Variants in BAHCC1 observed in about 807,000 individuals in gnomAD.
The protein encoded by BAHCC1 is BAH and coiled-coil domain-containing protein 1.
Under a neutral mutation model 88.2 loss-of-function variants are expected in BAHCC1, and 43 were observed. The observed-to-expected ratio is 0.49, with a 90% CI of 0.38 to 0.63. The LOEUF is 0.63. BAHCC1 is among the 20% of genes least tolerant of loss of function. BAHCC1 has a pLI of 0.00. For missense variants in BAHCC1, 3,023 were observed against 1,654.8 expected (o/e 1.83, Z -14.34); for synonymous variants, 1,510 against 745.5 (o/e 2.03, Z -16.71).
At chr17:81,433,703 C>T (rs1347730647) in intron 3 of BAHCC1, among the ~76,000 whole-genome samples, 1 of 151,896 alleles carries the variant, frequency 6.6e-6, no homozygotes, top group Admixed American at 6.5e-5. Context: ...TGTCATCAGT[C>T]CACCGAGGCC....
Position 81,456,525 on chromosome 17 carries a change from G to A in BAHCC1, c.4798G>A (p.Gly1600Ser), listed in dbSNP as rs577033432. Reference sequence around the variant, plus strand: ...ACGGCACCCACAGCCCAAGGGCCACGGCAGCCGGGAGACACCCAGGTGCCC... The same window carrying A: ...ACGGCACCCACAGCCCAAGGGCCACAGCAGCCGGGAGACACCCAGGTGCCC... Reference protein sequence around the residue: ...ATRHPQPKGHGSRETPRCPAQ... With the variant: ...ATRHPQPKGHSSRETPRCPAQ... Residue 1600 changes from glycine (G) to serine (S), a missense_variant, in exon 16 of 28, where the codon GGC becomes AGC. Coordinates refer to ENST00000675386, the MANE Select transcript of BAHCC1 (RefSeq NM_001377448.1). 9 of 715,870 alleles carry A rather than the reference G, an allele frequency of 1.3e-5. No individual in the cohort carries two copies. Among genetic ancestry groups the A allele is most frequent in the Middle Eastern group, 2.3e-4 (1 of 4,314 alleles). The allele number at this position is 715,870 out of a possible 1,614,324, so 44.3% of individuals were successfully genotyped here.
chr17:81,424,007 G>A (rs571294971), intron 2 of BAHCC1, among the ~76,000 whole-genome samples: 11 of 152,344 alleles, frequency 7.2e-5, no homozygotes, highest in Non-Finnish European at 7.4e-5. Context: ...AGCGCCATCC[G>A]CAGCTCTGTG....
intron 10 of BAHCC1, 84 bp downstream of exon 10, chr17:81,445,765 G>T: frequency 1.5e-6 from 1 of 661,276 alleles, no homozygotes. Context: ...CTGAATCCGG[G>T]CTGCCTGCAG....
intron 2 of BAHCC1, among the ~76,000 whole-genome samples, chr17:81,425,694 C>T (rs150029281): frequency 0.11 from 379 of 3,550 alleles, no homozygotes; most frequent in African/African-American, 0.13. Flanking sequence ...TGGTTGGTGG[C>T]GATGTGGTTG....
chr17:81,409,410 G>C (rs1397082281), intron 2 of BAHCC1, among the ~76,000 whole-genome samples: 1 of 152,234 alleles, frequency 6.6e-6, no homozygotes, highest in African/African-American at 2.4e-5. Flanking sequence ...GGGAAGGGGG[G>C]AAGTGCGTGT....
rs1167520814 is a variant in BAHCC1 at position 81,434,723 on chromosome 17, A to G, written c.359-3647A>G. Among the ~76,000 whole-genome samples the G allele has an allele frequency of 1.3e-5, 2 of 151,994 alleles. No homozygotes were observed. The highest frequency in any genetic ancestry group is 2.9e-5 in the Non-Finnish European group (2 of 67,954). On this transcript the variant is annotated intron_variant, in intron 3 of 27. Coordinates refer to ENST00000675386, the MANE Select transcript of BAHCC1 (RefSeq NM_001377448.1). This position sits in a 1 kb window ranked among gnomAD's most constrained non-coding sequence, Gnocchi z 4.9. ...CAGCCCCTGGTTTTCCACGGCAGGG[A>G]TGCTCCCTGGAAGGGCAGCCTGGGG...
At chr17:81,430,220 G>A (rs966102399) in intron 3 of BAHCC1, among the ~76,000 whole-genome samples, 8 of 152,086 alleles carry the variant, frequency 5.3e-5, no homozygotes, top group Non-Finnish European at 1.0e-4. Context: ...CCTCCCCACC[G>A]CGCCCCCCAG....
intron 3 of BAHCC1, among the ~76,000 whole-genome samples, chr17:81,436,247 C>T (rs888457992): frequency 1.1e-4 from 16 of 152,230 alleles, no homozygotes; most frequent in African/African-American, 3.4e-4. Flanking sequence ...TGCTGCCCTG[C>T]TCACCAGCCC....
rs568303955 is a variant in BAHCC1 at position 81,461,379 on chromosome 17, G to T, written c.6716G>T (p.Arg2239Leu). 1 of 721,658 alleles carries T rather than the reference G, an allele frequency of 1.4e-6. No homozygotes were observed. The highest frequency in any genetic ancestry group is 1.9e-5 in the Admixed American group (1 of 52,768). The allele number at this position is 721,658 out of a possible 1,614,324, so 44.7% of individuals were successfully genotyped here. A position where few individuals can be genotyped will look rare whatever the true frequency, so the allele number is the denominator to read the frequency against. ...AAGGACTTCAGCCCCAAGCTCGGGC[G>T]GCCCCTGCCCAGCCCCAGCTATGTG... is the stretch of plus-strand genomic sequence containing the variant. The part of the protein sequence containing the change: ...GDKDFSPKLG[R>L]PLPSPSYVHP... The change falls in exon 26 of 28, where the codon CGG becomes CTG. Residue 2239 changes from arginine (R) to leucine (L), a missense_variant. Transcript: ENST00000675386.
At chr17:81,445,859 T>A (rs28507130) in intron 10 of BAHCC1, among the ~76,000 whole-genome samples, 178 bp downstream of exon 10, 52,520 of 151,914 alleles carry the variant, frequency 0.35, 9,363 homozygotes, top group Admixed American at 0.37. Context: ...CCCAATGACC[T>A]TGGGAGAAGC....
intron 2 of BAHCC1, among the ~76,000 whole-genome samples, chr17:81,414,631 T>C (rs1212208322): frequency 1.3e-5 from 2 of 152,148 alleles, no homozygotes; most frequent in Non-Finnish European, 2.9e-5. Context: ...ATGAATAAGA[T>C]GAACGTGTGT....
chr17:81,446,975 T>C, intron 10 of BAHCC1, 61 bp from the exon 11 acceptor site: 1 of 769,602 alleles, frequency 1.3e-6, no homozygotes, highest in Middle Eastern at 2.3e-4. Context: ...CTCCGTCCTA[T>C]CGCAGGACAC....
rs1555654516 is a variant in BAHCC1 at position 81,446,831 on chromosome 17, G to A, written c.3164-205G>A. The A allele has an allele frequency of 4.4e-6, 3 of 682,382 alleles. No homozygotes were observed. In the African/African-American group the frequency reaches 5.3e-5, roughly 12 times the overall value. The allele number at this position is 682,382 out of a possible 1,614,324, so 42.3% of individuals were successfully genotyped here. A position where few individuals can be genotyped will look rare whatever the true frequency, so the allele number is the denominator to read the frequency against. On this transcript the variant is annotated intron_variant, in intron 10 of 27. Coordinates refer to ENST00000675386, the MANE Select transcript of BAHCC1 (RefSeq NM_001377448.1). ...GCCTCCCAAAGTTTTGGGATTACAG[G>A]TGTGAGCTACTGCACCCAGCCAGGT...
chr17:81,395,777 C>T (rs537826332), intron 1 of BAHCC1, 142 bp downstream of exon 1: 2 of 147,450 alleles, frequency 1.4e-5, no homozygotes, highest in South Asian at 4.3e-4. Context: ...TATATCTTCC[C>T]TTTTAACAAA....
At position 81,458,476 on chromosome 17, in the gene BAHCC1, G is replaced by A; in HGVS notation, c.5343+10G>A. 1 of 698,130 alleles carries A rather than the reference G, an allele frequency of 1.4e-6. No homozygotes were observed. Among genetic ancestry groups the A allele is most frequent in the Non-Finnish European group, 2.6e-6 (1 of 378,966 alleles). The allele number at this position is 698,130 out of a possible 1,614,324, so 43.2% of individuals were successfully genotyped here. On this transcript the variant is annotated intron_variant, in intron 18 of 27. Transcript: ENST00000675386. ...GCAGCCAGTGCTGCGGGTGAGGCTG[G>A]GCTCTGGGGTGCTGGGCGGAGAGGG...
At position 81,463,506 on chromosome 17, in the gene BAHCC1, T is replaced by C. The variant is rs979005307; in HGVS notation, c.7621-105T>C. On this transcript the variant is annotated intron_variant, in intron 27 of 27. Transcript: ENST00000675386. ...CGTCTTCCGGCCACACAGAAGTCCA[T>C]CCGGTGACCCTTACAGAGCATGGGT... is the stretch of plus-strand genomic sequence containing the variant. 1.3e-5 allele frequency: 9 copies of C among 703,022 alleles called. No individual in the cohort carries two copies. The East Asian group carries it at 2.4e-4, about 19-fold the overall frequency. The allele number at this position is 703,022 out of a possible 1,614,324, so 43.5% of individuals were successfully genotyped here.
rs1460848923 is a variant in BAHCC1, at chr17:81,455,393, G to C, written c.4569+3G>C. 2.8e-6 allele frequency: 2 copies of C among 715,336 alleles called. No homozygotes were observed. Among genetic ancestry groups the C allele is most frequent in the Non-Finnish European group, 5.2e-6 (2 of 384,834 alleles). The allele number at this position is 715,336 out of a possible 1,614,324, so 44.3% of individuals were successfully genotyped here. A position where few individuals can be genotyped will look rare whatever the true frequency, so the allele number is the denominator to read the frequency against. On this transcript the variant is annotated splice_donor_region_variant and intron_variant, in intron 15 of 27. Coordinates refer to ENST00000675386, the MANE Select transcript of BAHCC1 (RefSeq NM_001377448.1). ...CGGGCCTGCAGACTGCCTCCGTGGT[G>C]AGTGCCGAGGCGCCCGCCTTGCCCC...
chr17:81,428,141 C>T (rs1373082791), intron 3 of BAHCC1, among the ~76,000 whole-genome samples: 3 of 152,154 alleles, frequency 2.0e-5, no homozygotes, highest in African/African-American at 7.2e-5. Flanking sequence ...ACTCCCCTGC[C>T]CAGACTCCCC....
chr17:81,406,841 T>G (rs770132488), intron 2 of BAHCC1: 6 of 455,474 alleles, frequency 1.3e-5, no homozygotes, highest in Admixed American at 9.4e-5. Flanking sequence ...GCCTCGGGTC[T>G]GGTGGGGAGG....
Sources: allele counts gnomAD v4.1 joint callset (sites outside exome capture counted in the v4.1 genomes callset), GRCh38; gene constraint gnomAD v4.1.1; non-coding constraint Gnocchi (gnomAD v3.1); transcripts MANE v1.5; gene names NCBI Gene and HGNC (gene_info 2026-07-23, HGNC 2026-07-21).